The following GRID1 variants were observed in gnomAD, a reference collection of about 807,000 sequenced individuals.
The protein encoded by GRID1 is glutamate receptor ionotropic, delta-1.
Under a neutral mutation model 98.0 loss-of-function variants are expected in GRID1, and 28 were observed. That is an observed-to-expected ratio of 0.29 (90% confidence interval 0.21 to 0.39). The LOEUF is 0.39. Ranked by LOEUF, GRID1 falls within the 10% of genes least tolerant of loss-of-function variation. The pLI is 1.00. For synonymous variants in GRID1, 553 were observed against 538.5 expected, an observed-to-expected ratio of 1.03 and a Z score of -0.37; for missense variants, 1,111 against 1,340.5, an observed-to-expected ratio of 0.83 and a Z score of 2.67.
chr10:85,942,121 C>T (rs1842003647), intron 4 of GRID1, among the ~76,000 whole-genome samples: 1 of 152,222 alleles, frequency 6.6e-6, no homozygotes, highest in African/African-American at 2.4e-5. Context: ...CCAAGCCAAA[C>T]ACACTGGGGC....
intron 12 of GRID1, among the ~76,000 whole-genome samples, chr10:85,685,081 G>A (rs982901294): frequency 6.6e-6 from 1 of 152,102 alleles, no homozygotes; most frequent in African/African-American, 2.4e-5. Context: ...ACATTGTACT[G>A]GAGGTATTAT....
intron 3 of GRID1, among the ~76,000 whole-genome samples, chr10:86,145,117 C>G (rs935990446): frequency 2.0e-5 from 3 of 152,234 alleles, no homozygotes; most frequent in African/African-American, 4.8e-5. Flanking sequence ...AATTAATATC[C>G]TCAAAAGCAT....
chr10:85,736,101 A>AAC (rs1228229685), intron 8 of GRID1, among the ~76,000 whole-genome samples: 1 of 110,980 alleles, frequency 9.0e-6, no homozygotes, highest in Admixed American at 9.4e-5. Context: ...AAGGAAGGAG[A>AAC]GAAGGAAGGA....
chr10:86,165,689 T>C (rs1845388808), intron 3 of GRID1, among the ~76,000 whole-genome samples: 2 of 152,088 alleles, frequency 1.3e-5, no homozygotes, highest in Non-Finnish European at 2.9e-5. Flanking sequence ...GGAGTTGAGA[T>C]CAAGGTGAGT....
chr10:85,993,578 C>T (rs1842706867), intron 4 of GRID1, among the ~76,000 whole-genome samples: 1 of 152,118 alleles, frequency 6.6e-6, no homozygotes, highest in African/African-American at 2.4e-5. Context: ...ACTACTGCTC[C>T]TACTCTATAC....
At chr10:86,219,178 G>C in intron 2 of GRID1, among the ~76,000 whole-genome samples, 1 of 152,222 alleles carries the variant, frequency 6.6e-6, no homozygotes, top group Non-Finnish European at 1.5e-5. Context: ...GACCAAGACA[G>C]AAGCACTGGC....
At chr10:85,779,638 C>A (rs1440866676) in intron 8 of GRID1, among the ~76,000 whole-genome samples, 2 of 152,030 alleles carry the variant, frequency 1.3e-5, no homozygotes, top group Non-Finnish European at 2.9e-5. Context: ...CAGCATTTGA[C>A]AGCATTATCC....
chr10:85,778,280 G>C (rs1806797219), intron 8 of GRID1, among the ~76,000 whole-genome samples: 1 of 152,086 alleles, frequency 6.6e-6, no homozygotes, highest in African/African-American at 2.4e-5. Flanking sequence ...TGGGAATCAT[G>C]ATGGGGACCA....
intron 12 of GRID1, among the ~76,000 whole-genome samples, chr10:85,655,325 G>A (rs969902538): frequency 1.1e-4 from 16 of 152,132 alleles, no homozygotes; most frequent in African/African-American, 3.4e-4. Flanking sequence ...TTCTGGGCTT[G>A]GTCCTATCCT....
At chr10:85,753,350 C>T (rs938753334) in intron 8 of GRID1, among the ~76,000 whole-genome samples, 15 of 152,194 alleles carry the variant, frequency 9.9e-5, no homozygotes, top group African/African-American at 3.4e-4. Context: ...AGTGAGGGCA[C>T]TGTCAAGCAC....
At chr10:85,662,514 G>C (rs1840977194) in intron 12 of GRID1, among the ~76,000 whole-genome samples, 1 of 152,148 alleles carries the variant, frequency 6.6e-6, no homozygotes, top group South Asian at 2.1e-4. Flanking sequence ...CCTCCGCCCT[G>C]CACACTGGAT....
rs868201860 is a variant in GRID1, at chr10:85,716,947, T to C, written c.1997+6056A>G. On this transcript the variant is annotated intron_variant, in intron 12 of 15. Transcript: ENST00000327946. The stretch of plus-strand genomic sequence containing the variant: ...TTTATTGGTTGCCAGAGAATGGTGG[T>C]TGCCAGGGACTGGAGTGTGGGGGAA... Among the ~76,000 whole-genome samples the C allele has an allele frequency of 1.7e-4, 26 of 152,204 alleles. 1 individual carries two copies. Among genetic ancestry groups the C allele is most frequent in the South Asian group, 1.4e-3 (7 of 4,828 alleles).
intron 4 of GRID1, among the ~76,000 whole-genome samples, chr10:85,917,437 T>G (rs1399498315): frequency 6.6e-6 from 1 of 152,242 alleles, no homozygotes; most frequent in Non-Finnish European, 1.5e-5. Flanking sequence ...TGTCACCTTC[T>G]AGAAGATTTT....
intron 8 of GRID1, among the ~76,000 whole-genome samples, chr10:85,748,089 C>T (rs978755496): frequency 2.0e-5 from 3 of 152,088 alleles, no homozygotes; most frequent in African/African-American, 4.8e-5. Flanking sequence ...ACCTGCCCAC[C>T]GTGACTGTGT....
chr10:86,080,414 G>A (rs71503846), intron 4 of GRID1, among the ~76,000 whole-genome samples: 5,631 of 13,528 alleles, frequency 0.42, 798 homozygotes, highest in Non-Finnish European at 0.46. Flanking sequence ...AAGGGAAGGG[G>A]AGGGGAGGGG....
intron 2 of GRID1, among the ~76,000 whole-genome samples, chr10:86,330,711 T>G (rs1848127255): frequency 6.6e-6 from 1 of 152,230 alleles, no homozygotes; most frequent in Non-Finnish European, 1.5e-5. Context: ...AATCCTGGTG[T>G]GGCTCACAGC....
At chr10:86,018,335 C>A (rs1843005139) in intron 4 of GRID1, among the ~76,000 whole-genome samples, 1 of 152,202 alleles carries the variant, frequency 6.6e-6, no homozygotes, top group Non-Finnish European at 1.5e-5. Flanking sequence ...TCTGTAAGTG[C>A]CTGTAGCAGG....
chr10:86,169,541 G>A (rs1845452008), intron 3 of GRID1, among the ~76,000 whole-genome samples: 1 of 152,168 alleles, frequency 6.6e-6, no homozygotes, highest in South Asian at 2.1e-4. Context: ...CTGCCAAGGA[G>A]AAAACGAGGG....
chr10:85,844,955 A>G (rs1842993071), intron 8 of GRID1, among the ~76,000 whole-genome samples: 3 of 151,988 alleles, frequency 2.0e-5, no homozygotes, highest in Admixed American at 2.0e-4. Flanking sequence ...TAATCTGAAA[A>G]AAGAACATCA....
Sources: allele counts gnomAD v4.1 joint callset (sites outside exome capture counted in the v4.1 genomes callset), GRCh38; gene constraint gnomAD v4.1.1; transcripts MANE v1.5; gene names NCBI Gene and HGNC (gene_info 2026-07-23, HGNC 2026-07-21).